PAQR3: variants seen among roughly 807,000 people sequenced by gnomAD.
PAQR3 encodes the protein Raf kinase trapping to Golgi.
PAQR3 carries 39 observed loss-of-function variants against 41.7 expected under a neutral mutation model. The observed-to-expected ratio is 0.93, with a 90% CI of 0.72 to 1.22. The LOEUF (loss-of-function observed/expected upper bound fraction) is 1.22. Among genes scored for constraint, PAQR3 ranks in the 50% most tolerant of loss-of-function variants. The pLI is 0.00. For missense variants in PAQR3, 366 were observed against 385.6 expected, an observed-to-expected ratio of 0.95 and a Z score of 0.42; for synonymous variants, 140 against 140.6, an observed-to-expected ratio of 1.00 and a Z score of 0.03.
rs1436125377 is a variant in PAQR3, at chr4:78,916,339, C to A, written c.*4200G>T. ...TCTGTTTTCTTTAAATGCAATAAATCCCAAATGGATTGCATATTCTTTATA... is the reference window on the plus strand; with the variant it reads ...TCTGTTTTCTTTAAATGCAATAAATACCAAATGGATTGCATATTCTTTATA... On this transcript the variant is annotated 3_prime_UTR_variant, in exon 6 of 6. Coordinates refer to ENST00000512733, the MANE Select transcript of PAQR3 (RefSeq NM_001040202.2). The A allele has an allele frequency of 6.6e-6, 1 of 151,890 alleles. No homozygotes were observed. Among genetic ancestry groups the A allele is most frequent in the Non-Finnish European group, 1.5e-5 (1 of 67,886 alleles). The allele number at this position is 151,890 out of a possible 1,614,324, so 9.4% of individuals were successfully genotyped here.
In PAQR3 at chr4:78,888,677, A is replaced by G. The variant is rs17003480; in HGVS notation, c.*837-529T>C. Among the ~76,000 whole-genome samples the G allele has an allele frequency of 6.4e-3, 982 of 152,278 alleles. 12 individuals are homozygous for G. Among genetic ancestry groups the G allele is most frequent in the African/African-American group, 0.023 (945 of 41,552 alleles). ...CCCTTATTTGGAGGTTGGCCTAAAGATTTTGTACTTCGCAACATGTTCACA... is the reference window on the plus strand; with the variant it reads ...CCCTTATTTGGAGGTTGGCCTAAAGGTTTTGTACTTCGCAACATGTTCACA... On this transcript the variant is annotated intron_variant and NMD_transcript_variant, in intron 11 of 12. Coordinates refer to the PAQR3 transcript ENST00000342820.
rs111978337 is a variant in PAQR3 at position 78,931,306 on chromosome 4, C to T, written c.349-981G>A. Reference sequence around the variant, plus strand: ...TTGGGAGATCGAGGCTGCAGTGAGCCGTGACTGCCCCACTATACCCCAGCC... The same window carrying T: ...TTGGGAGATCGAGGCTGCAGTGAGCTGTGACTGCCCCACTATACCCCAGCC... On this transcript the variant is annotated intron_variant, in intron 2 of 5. Transcript: ENST00000512733. Among the ~76,000 whole-genome samples, 5 of 151,878 alleles carry T rather than the reference C, an allele frequency of 3.3e-5. 1 individual carries two copies. Among genetic ancestry groups the T allele is most frequent in the African/African-American group, 9.7e-5 (4 of 41,386 alleles).
intron 11 of PAQR3, among the ~76,000 whole-genome samples, chr4:78,898,289 T>G (rs1349100880): frequency 1.3e-5 from 2 of 152,078 alleles, no homozygotes; most frequent in African/African-American, 4.8e-5. Context: ...TTACATTACA[T>G]AGAGCAAATA....
intron 11 of PAQR3, among the ~76,000 whole-genome samples, chr4:78,890,286 A>G (rs1357698609): frequency 2.0e-5 from 3 of 151,892 alleles, no homozygotes; most frequent in Admixed American, 1.3e-4. Flanking sequence ...TAATTATGCT[A>G]TTTCTTACCT....
intron 11 of PAQR3, among the ~76,000 whole-genome samples, chr4:78,889,199 C>T (rs1344528679): frequency 6.6e-5 from 8 of 121,480 alleles, no homozygotes; most frequent in East Asian, 2.5e-4. Context: ...CCAACCTGGG[C>T]GATAGAGTGA....
chr4:78,924,666 A>C (rs914613155), intron 4 of PAQR3, among the ~76,000 whole-genome samples: 5 of 151,618 alleles, frequency 3.3e-5, no homozygotes, highest in South Asian at 2.1e-4. Flanking sequence ...TGAAGACAGG[A>C]GTTCAAAACT....
chr4:78,908,792 T>C (rs1734415499), downstream of PAQR3, among the ~76,000 whole-genome samples: 1 of 152,194 alleles, frequency 6.6e-6, no homozygotes, highest in South Asian at 2.1e-4. Context: ...ATAGTAGGTA[T>C]ATACATTTAT....
chr4:78,939,198 C>G lies in PAQR3; in HGVS notation c.27G>C (p.Ala9=), dbSNP rs372904339. The part of the protein sequence containing the change: MHQKLLKS[A]HYIELGSYQY... ...GGTAGCTGCCCAGCTCGATGTAATGCGCGCTCTTCAGCAGCTTCTGATGCA... is the reference window on the plus strand; with the variant it reads ...GGTAGCTGCCCAGCTCGATGTAATGGGCGCTCTTCAGCAGCTTCTGATGCA... Residue 9 remains alanine (A), a synonymous_variant, in exon 1 of 6, where the codon GCG becomes GCC. Transcript: ENST00000512733. The G allele has an allele frequency of 1.7e-5, 27 of 1,608,994 alleles. No homozygotes were observed. Among genetic ancestry groups the G allele is most frequent in the Non-Finnish European group, 1.9e-5 (22 of 1,177,924 alleles).
intron 11 of PAQR3, among the ~76,000 whole-genome samples, chr4:78,894,097 T>C (rs566674463): frequency 1.3e-5 from 2 of 152,374 alleles, no homozygotes; most frequent in African/African-American, 4.8e-5. Context: ...AGATGTGATG[T>C]CATCCAGGCT....
rs190688739 is a variant in PAQR3, at chr4:78,923,836, T to C, written c.793+21A>G. ...TATATTTAGACTAACAATACAAAAC[T>C]GCTATAAAAGAGATACCTACCTGGA... On this transcript the variant is annotated intron_variant, in intron 5 of 5. Coordinates refer to ENST00000512733, the MANE Select transcript of PAQR3 (RefSeq NM_001040202.2). 1.3e-4 allele frequency: 196 copies of C among 1,520,160 alleles called. 2 individuals carry two copies. The highest frequency in any genetic ancestry group is 1.0e-3 in the Middle Eastern group (6 of 5,850). The allele number at this position is 1,520,160 out of a possible 1,614,324, so 94.2% of individuals were successfully genotyped here.
chr4:78,904,031 CCTTTCTTATG>C (rs1203588789), intron 11 of PAQR3, among the ~76,000 whole-genome samples: 1 of 151,844 alleles, frequency 6.6e-6, no homozygotes, highest in African/African-American at 2.4e-5. Context: ...CTCTCAGAAT[CCTTTCTTATG>C]CTTTCAAGAT....
In PAQR3 at chr4:78,921,833, T is replaced by C. The variant is rs938200270; in HGVS notation, c.794-1152A>G. The C allele has an allele frequency of 4.1e-6, 4 of 984,942 alleles. No homozygotes were observed. The African/African-American group carries it at 7.0e-5, about 17-fold the overall frequency. 61.0% of individuals were successfully genotyped at this position (984,942 alleles called of 1,614,324 possible). A position where few individuals can be genotyped will look rare whatever the true frequency, so the allele number is the denominator to read the frequency against. The stretch of plus-strand genomic sequence containing the variant: ...GACTATCACTTTTCACTGGAAAGAC[T>C]TAATTTTTTAGTTTCCATATCTCCA... On this transcript the variant is annotated intron_variant, in intron 5 of 5. Transcript: ENST00000512733.
chr4:78,893,231 C>G (rs1443122699), intron 11 of PAQR3, among the ~76,000 whole-genome samples: 1 of 152,334 alleles, frequency 6.6e-6, no homozygotes, highest in East Asian at 1.9e-4. Flanking sequence ...TTTGCTCAAG[C>G]ATAAGCAACT....
chr4:78,919,542 G>C lies in PAQR3; in HGVS notation c.*997C>G, dbSNP rs1735448988. The C allele has an allele frequency of 1.0e-6, 1 of 985,026 alleles. No homozygotes were observed. Among genetic ancestry groups the C allele is most frequent in the South Asian group, 4.7e-5 (1 of 21,286 alleles). 61.0% of individuals were successfully genotyped at this position (985,026 alleles called of 1,614,324 possible). A position where few individuals can be genotyped will look rare whatever the true frequency, so the allele number is the denominator to read the frequency against. On this transcript the variant is annotated 3_prime_UTR_variant, in exon 6 of 6. Coordinates refer to ENST00000512733, the MANE Select transcript of PAQR3 (RefSeq NM_001040202.2). ...CGAGGACCAGAGCACAGGTGAATAA[G>C]ATTATTATCAAATGGGGCATCTGCA...
In PAQR3 at chr4:78,915,601, C is replaced by G. The variant is rs1734979229; in HGVS notation, c.*4938G>C. ...AATAGTTTATTTGAGAACTTTTATA[C>G]TCAGTGGTGTTTTATATATTAAGAT... is the stretch of plus-strand genomic sequence containing the variant. On this transcript the variant is annotated 3_prime_UTR_variant, in exon 6 of 6. Coordinates refer to ENST00000512733, the MANE Select transcript of PAQR3 (RefSeq NM_001040202.2). The G allele has an allele frequency of 6.6e-6, 1 of 151,782 alleles. No homozygotes were observed. The highest frequency in any genetic ancestry group is 2.1e-4 in the South Asian group (1 of 4,822). 9.4% of individuals were successfully genotyped at this position (151,782 alleles called of 1,614,324 possible).
chr4:78,903,663 G>A (rs957664786), intron 11 of PAQR3, among the ~76,000 whole-genome samples: 1 of 151,824 alleles, frequency 6.6e-6, no homozygotes, highest in Non-Finnish European at 1.5e-5. Flanking sequence ...AAGCCTTATA[G>A]TGTTTCTAGA....
At chr4:78,911,184 C>T (rs773847591), downstream of PAQR3, 35 of 1,613,600 alleles carry the variant, frequency 2.2e-5, no homozygotes, top group Non-Finnish European at 2.7e-5. Flanking sequence ...ATGAAAAGAA[C>T]CTCCCTCAAC....
downstream of PAQR3, among the ~76,000 whole-genome samples, chr4:78,906,972 C>T (rs1475462736): frequency 1.3e-5 from 2 of 151,910 alleles, no homozygotes; most frequent in African/African-American, 4.8e-5. Context: ...AGGAGGGAAT[C>T]ATAGTATATA....
chr4:78,908,596 A>G (rs1412581336), downstream of PAQR3, among the ~76,000 whole-genome samples: 2 of 152,030 alleles, frequency 1.3e-5, no homozygotes, highest in Admixed American at 6.6e-5. Flanking sequence ...TCCCAAATCT[A>G]TTTTCTTCAG....
Sources: gnomAD v4.1 joint callset for allele counts (sites outside exome capture counted in the v4.1 genomes callset) on GRCh38, gnomAD v4.1.1 for gene constraint, MANE v1.5 for transcripts, NCBI Gene and HGNC (gene_info 2026-07-23, HGNC 2026-07-21) for gene names.